ZNF341: variants seen among roughly 807,000 people sequenced by gnomAD.
ZNF341 encodes the protein zinc finger protein 341.
ZNF341 carries 52 observed loss-of-function variants against 87.7 expected under a neutral mutation model. The observed-to-expected ratio is 0.59, with a 90% CI of 0.47 to 0.75. The LOEUF (loss-of-function observed/expected upper bound fraction) is 0.75, where lower values mean the gene tolerates loss of function less well. Among genes scored for constraint, ZNF341 ranks in the 30% least tolerant of loss-of-function variants. The pLI, the probability that ZNF341 is intolerant of heterozygous loss-of-function variation, is 0.00. For missense variants in ZNF341, 977 were observed against 1,145.9 expected (o/e 0.85, Z 2.13); for synonymous variants, 459 against 472.7 (o/e 0.97, Z 0.38).
At chr20:33,768,311 C>T (rs377751244) in intron 9 of ZNF341, among the ~76,000 whole-genome samples, 2 of 151,552 alleles carry the variant, frequency 1.3e-5, no homozygotes, top group Admixed American at 6.6e-5. Context: ...TTAGTAGAGA[C>T]GGTGTTTCAC....
Position 33,732,061 on chromosome 20 carries a change from C to A in ZNF341, c.31+9C>A. 7.9e-7 allele frequency: 1 copy of A among 1,270,102 alleles called. No homozygotes were observed. Among genetic ancestry groups the A allele is most frequent in the Non-Finnish European group, 1.0e-6 (1 of 1,003,056 alleles). The allele number at this position is 1,270,102 out of a possible 1,614,324, so 78.7% of individuals were successfully genotyped here. ...CTTTGAGGCCCTGGAGGGTGAGCGGCGGCGGGGCCGGCGGAGGCGGCTGTT... is the reference window on the plus strand; with the variant it reads ...CTTTGAGGCCCTGGAGGGTGAGCGGAGGCGGGGCCGGCGGAGGCGGCTGTT... On this transcript the variant is annotated intron_variant, in intron 1 of 14. Transcript: ENST00000375200. This position sits in a 1 kb window ranked among gnomAD's most constrained non-coding sequence, Gnocchi z 4.5.
Position 33,783,783 on chromosome 20 carries a change from G to A in ZNF341, c.1771G>A (p.Gly591Arg), listed in dbSNP as rs139829835. ...GCGTCATCTGCCCACCCACGGCAGC[G>A]GGGGCAGGTTCAAGTGCCAAGTGTG... ...LRRHLPTHGS[G>R]GRFKCQVCKK... Residue 591 changes from glycine (G) to arginine (R), a missense_variant, in exon 12 of 15, where the codon GGG becomes AGG. This residue lies in a region of ZNF341 where 241 missense variants were observed against 335.0 expected (regional missense o/e 0.72). Transcript: ENST00000375200. The A allele has an allele frequency of 8.3e-5, 134 of 1,613,642 alleles. No homozygotes were observed. The highest frequency in any genetic ancestry group is 1.1e-4 in the Non-Finnish European group (127 of 1,179,868).
In ZNF341 at chr20:33,745,282, A is replaced by G. The variant is rs369828437; in HGVS notation, c.322A>G (p.Thr108Ala). 7.4e-6 allele frequency: 12 copies of G among 1,611,736 alleles called. No individual in the cohort carries two copies. The highest frequency in any genetic ancestry group is 1.0e-5 in the Non-Finnish European group (12 of 1,178,430). ...ACCCACAGCGGTCCAGCAGGCCCCA[A>G]CTCCTGCCAATCGCCAGGTATTTGT... ...AAPTAVQQAP[T>A]PANRQISTYI... is the part of the protein sequence containing the mutation. Residue 108 changes from threonine to alanine, a missense_variant, in exon 3 of 15, where the codon ACT becomes GCT. Physicochemically the swap from Thr to Ala is moderately conservative, Grantham distance 58. Around this residue, in one of 3 missense-constraint regions of ZNF341, gnomAD observed 515 missense variants for 598.2 expected, o/e 0.86. Coordinates refer to ENST00000375200, the MANE Select transcript of ZNF341 (RefSeq NM_001282933.2).
chr20:33,753,441 G>A lies in ZNF341; in HGVS notation c.741+18G>A. On this transcript the variant is annotated intron_variant, in intron 5 of 14. Transcript: ENST00000375200. ...CCCTAGAGGTGAGCAGAGGGGGCAG[G>A]GTGGAAGAGGACACTGGTCATGGAC... is the stretch of plus-strand genomic sequence containing the variant. 1.3e-6 allele frequency: 2 copies of A among 1,565,884 alleles called. No homozygotes were observed. The highest frequency in any genetic ancestry group is 1.2e-5 in the South Asian group (1 of 84,098).
rs199617228 is a variant in ZNF341, at chr20:33,757,189, C to A, written c.783C>A (p.Pro261=). The part of the protein sequence containing the change: ...QCVEPPVYPT[P]TVYSPGKQGF... ...TGGAGCCTCCAGTATATCCCACCCC[C>A]ACAGTGTACAGCCCTGGCAAACAGG... The change falls in exon 6 of 15, where the codon CCC becomes CCA. Residue 261 remains proline (P), a synonymous_variant. Coordinates refer to ENST00000375200, the MANE Select transcript of ZNF341 (RefSeq NM_001282933.2). 2.9e-5 allele frequency: 45 copies of A among 1,539,600 alleles called. No homozygotes were observed. Among genetic ancestry groups the A allele is most frequent in the Non-Finnish European group, 3.8e-5 (44 of 1,144,544 alleles).
chr20:33,743,228 C>T (rs981510031), intron 2 of ZNF341, among the ~76,000 whole-genome samples: 2 of 151,790 alleles, frequency 1.3e-5, no homozygotes, highest in Non-Finnish European at 2.9e-5. Flanking sequence ...GACGGGGTTT[C>T]GCCATGTTGG....
At chr20:33,781,983 AT>A in intron 11 of ZNF341, among the ~76,000 whole-genome samples, 1 of 151,982 alleles carries the variant, frequency 6.6e-6, no homozygotes. Flanking sequence ...CCCAGCCTAA[AT>A]TTTTTGTAGA....
intron 10 of ZNF341, among the ~76,000 whole-genome samples, chr20:33,773,964 T>A (rs1164138254): frequency 1.3e-5 from 2 of 151,992 alleles, no homozygotes; most frequent in African/African-American, 4.8e-5. Context: ...ATCTTTACTG[T>A]ATGTTTAATA....
chr20:33,749,368 C>G lies in ZNF341; in HGVS notation c.489+296C>G, dbSNP rs74492292. 5.1e-3 allele frequency among the ~76,000 whole-genome samples: 775 copies of G among 152,282 alleles called. 3 individuals carry two copies. Among genetic ancestry groups the G allele is most frequent in the African/African-American group, 0.017 (725 of 41,568 alleles). ...AGTGCAGTGGCACGATCTTGGCTCACTGCAACCTCTGCCTCCTGGGTTCAA... is the reference window on the plus strand; with the variant it reads ...AGTGCAGTGGCACGATCTTGGCTCAGTGCAACCTCTGCCTCCTGGGTTCAA... On this transcript the variant is annotated intron_variant, in intron 4 of 14. Coordinates refer to ENST00000375200, the MANE Select transcript of ZNF341 (RefSeq NM_001282933.2).
intron 1 of ZNF341, among the ~76,000 whole-genome samples, chr20:33,736,406 A>T (rs2018686124): frequency 6.6e-6 from 1 of 152,116 alleles, no homozygotes; most frequent in Admixed American, 6.5e-5. Flanking sequence ...CAGAAATTTA[A>T]TTTACAGTTT....
At chr20:33,788,684 T>C in intron 12 of ZNF341, 179 bp from the exon 13 acceptor site, 1 of 665,974 alleles carries the variant, frequency 1.5e-6, no homozygotes, top group Non-Finnish European at 2.7e-6. Flanking sequence ...GACCATCCTG[T>C]CAAAATAGCC....
intron 9 of ZNF341, among the ~76,000 whole-genome samples, chr20:33,769,539 T>C (rs1400563141): frequency 6.6e-6 from 1 of 152,186 alleles, no homozygotes; most frequent in Admixed American, 6.5e-5. Flanking sequence ...TTTCTAAATA[T>C]ACCTATGCCA....
At chr20:33,741,395 T>A (rs1321557725) in intron 2 of ZNF341, among the ~76,000 whole-genome samples, 1 of 147,720 alleles carries the variant, frequency 6.8e-6, no homozygotes, top group Admixed American at 6.7e-5. Flanking sequence ...AGGGTCTTCT[T>A]TTTTTTTTTT....
intron 2 of ZNF341, among the ~76,000 whole-genome samples, chr20:33,744,140 G>A (rs2018866886): frequency 6.6e-6 from 1 of 152,000 alleles, no homozygotes; most frequent in Non-Finnish European, 1.5e-5. Context: ...AAAATTAGCC[G>A]GGCGTGGTGG....
chr20:33,774,558 A>G (rs1352835673), intron 10 of ZNF341, among the ~76,000 whole-genome samples: 1 of 152,228 alleles, frequency 6.6e-6, no homozygotes, highest in East Asian at 1.9e-4. Context: ...AAATAGAGTC[A>G]CTGAATTTGG....
rs1428509029 is a variant in ZNF341, at chr20:33,791,268, G to T, written c.2316G>T (p.Gly772=). 6.2e-7 allele frequency: 1 copy of T among 1,611,788 alleles called. No individual in the cohort carries two copies. The highest frequency in any genetic ancestry group is 8.5e-7 in the Non-Finnish European group (1 of 1,179,584). ...TGACCCCCTTGCCTGACCCGCTGGG[G>T]CTGGAGGAGCTGAAGGACACAGGGG... ...KVLTPLPDPL[G]LEELKDTGAG... Residue 772 remains glycine (G), a synonymous_variant, in exon 15 of 15, where the codon GGG becomes GGT. Transcript: ENST00000375200.
chr20:33,790,948 A>G lies in ZNF341; in HGVS notation c.2036-40A>G, dbSNP rs2626550. On this transcript the variant is annotated intron_variant, in intron 14 of 14. Transcript: ENST00000375200. ...AGCGCAGGGCACTGTTGCGGGGTGA[A>G]GGTCTGGATGCTTCTCACTGACTTT... is the stretch of plus-strand genomic sequence containing the variant. The G allele has an allele frequency of 6.1e-3, 9,675 of 1,575,420 alleles. 553 individuals carry two copies. The African/African-American group carries it at 0.11, about 18-fold the overall frequency.
Position 33,753,240 on chromosome 20 carries a change from A to G in ZNF341, c.558A>G (p.Pro186=), listed in dbSNP as rs756053289. ...CTCCACCTCCTCCTCCACCTCCTCC[A>G]CCACTGCCCCCACCGCCACCACCTC... ...TQPPPPPPPP[P]PLPPPPPPQP... is the part of the protein sequence containing the mutation. The change falls in exon 5 of 15, where the codon CCA becomes CCG. Residue 186 remains proline, a synonymous_variant. Coordinates refer to ENST00000375200, the MANE Select transcript of ZNF341 (RefSeq NM_001282933.2). The G allele has an allele frequency of 5.6e-6, 9 of 1,610,638 alleles. No homozygotes were observed. The African/African-American group carries it at 9.4e-5, about 17-fold the overall frequency.
At chr20:33,734,905 C>G (rs1363515852) in intron 1 of ZNF341, among the ~76,000 whole-genome samples, 1 of 152,066 alleles carries the variant, frequency 6.6e-6, no homozygotes, top group East Asian at 1.9e-4. Context: ...GGGGTTTCAC[C>G]ATGTTGGCCA....
Sources: gnomAD v4.1 joint callset for allele counts (sites outside exome capture counted in the v4.1 genomes callset) on GRCh38, gnomAD v4.1.1 for gene constraint, gnomAD v4.1.1 regional missense constraint, Gnocchi (gnomAD v3.1) non-coding constraint, MANE v1.5 for transcripts, NCBI Gene and HGNC (gene_info 2026-07-23, HGNC 2026-07-21) for gene names.